The following LSAMP variants were observed in gnomAD, a reference collection of about 807,000 sequenced individuals.
The protein encoded by LSAMP is limbic system-associated membrane protein.
A neutral mutation model predicts 38.6 loss-of-function variants in LSAMP; 7 were observed. The ratio of observed to expected loss-of-function variants is 0.18; its 90% CI spans 0.10 to 0.34. LSAMP has a LOEUF of 0.34. Ranked by LOEUF, LSAMP falls within the 10% of genes least tolerant of loss-of-function variation. LSAMP has a pLI of 1.00. For synonymous variants in LSAMP, 154 were observed against 166.8 expected (o/e 0.92, Z 0.59); for missense variants, 313 against 420.0 (o/e 0.75, Z 2.23).
intron 3 of LSAMP, among the ~76,000 whole-genome samples, chr3:115,984,600 A>G (rs1202973266): frequency 6.6e-6 from 1 of 152,210 alleles, no homozygotes; most frequent in Non-Finnish European, 1.5e-5. Context: ...ACTAAAAATT[A>G]AACCGTATAC....
intron 2 of LSAMP, among the ~76,000 whole-genome samples, chr3:116,082,467 G>A (rs75964231): frequency 0.02 from 2,997 of 152,184 alleles, 47 homozygotes; most frequent in Non-Finnish European, 0.03. Flanking sequence ...TCTGGATGTG[G>A]TTCTCTGGAA....
intron 4 of LSAMP, among the ~76,000 whole-genome samples, chr3:115,843,524 A>T (rs978423206): frequency 6.6e-6 from 1 of 152,212 alleles, no homozygotes; most frequent in Non-Finnish European, 1.5e-5. Context: ...TTGCCAGAAA[A>T]TGGCAACTTG....
chr3:116,175,193 A>C (rs1441309302), intron 1 of LSAMP, among the ~76,000 whole-genome samples: 1 of 152,008 alleles, frequency 6.6e-6, no homozygotes, highest in Non-Finnish European at 1.5e-5. Context: ...TTTTTAGACT[A>C]TTCTCTGCAA....
intron 1 of LSAMP, among the ~76,000 whole-genome samples, chr3:116,357,121 C>T (rs2048236464): frequency 6.6e-6 from 1 of 152,094 alleles, no homozygotes; most frequent in South Asian, 2.1e-4. Context: ...GATGATAGAC[C>T]TAATCAACAC....
rs576919342 is a variant in LSAMP, at chr3:116,431,355, TGCCAC to T, written c.155+13517_155+13521del. ...TTTGCTCATTTAAAAAAAATCTATT[TGCCAC>T]GCTATACTTTGTTCCCAGGGAACAC... is the stretch of plus-strand genomic sequence containing the variant. On this transcript the variant is annotated intron_variant, in intron 1 of 6. Transcript: ENST00000490035. 1.8e-4 allele frequency among the ~76,000 whole-genome samples: 27 copies of T among 152,256 alleles called. 1 individual carries two copies. Among genetic ancestry groups the T allele is most frequent in the Admixed American group, 8.5e-4 (13 of 15,292 alleles).
intron 1 of LSAMP, among the ~76,000 whole-genome samples, chr3:116,324,085 G>A (rs1160023146): frequency 6.6e-6 from 1 of 152,176 alleles, no homozygotes; most frequent in African/African-American, 2.4e-5. Context: ...TGACATTTGG[G>A]TAAGTGCTTT....
intron 1 of LSAMP, among the ~76,000 whole-genome samples, chr3:116,128,491 T>G (rs568413764): frequency 6.6e-6 from 1 of 152,312 alleles, no homozygotes; most frequent in South Asian, 2.1e-4. Flanking sequence ...GTTAGCTGGG[T>G]TTGATCATGT....
intron 3 of LSAMP, among the ~76,000 whole-genome samples, chr3:115,991,773 C>T (rs1939676588): frequency 6.6e-6 from 1 of 151,738 alleles, no homozygotes; most frequent in Non-Finnish European, 1.5e-5. Flanking sequence ...CGTTTAAAGA[C>T]AGGCAGGCTG....
chr3:116,326,253 G>GA (rs1026044770), intron 1 of LSAMP, among the ~76,000 whole-genome samples: 32 of 151,098 alleles, frequency 2.1e-4, no homozygotes, highest in African/African-American at 5.1e-4. Flanking sequence ...CAGTAAAAAG[G>GA]AAAAAAAAGG....
At chr3:116,299,028 A>T (rs1576491692) in intron 1 of LSAMP, among the ~76,000 whole-genome samples, 1 of 152,346 alleles carries the variant, frequency 6.6e-6, no homozygotes, top group Non-Finnish European at 1.5e-5. Context: ...GGCCAGCAGA[A>T]ATGATAGAGT....
chr3:116,070,001 T>G (rs1707562243), intron 2 of LSAMP, among the ~76,000 whole-genome samples: 1 of 152,002 alleles, frequency 6.6e-6, no homozygotes, highest in East Asian at 1.9e-4. Context: ...CATATAGGAA[T>G]ATGAAGATCA....
At chr3:115,837,528 G>A (rs1309093475) in intron 6 of LSAMP, among the ~76,000 whole-genome samples, 1 of 152,070 alleles carries the variant, frequency 6.6e-6, no homozygotes, top group Non-Finnish European at 1.5e-5. Flanking sequence ...GCCAATCATC[G>A]AACTAACCTG....
intron 1 of LSAMP, among the ~76,000 whole-genome samples, chr3:116,404,851 G>T (rs2048881885): frequency 6.6e-6 from 1 of 151,900 alleles, no homozygotes; most frequent in South Asian, 2.1e-4. Context: ...CTTCTGTATA[G>T]ATATTCAAAC....
chr3:116,435,698 T>C (rs1275256719), intron 1 of LSAMP, among the ~76,000 whole-genome samples: 1 of 152,170 alleles, frequency 6.6e-6, no homozygotes, highest in Non-Finnish European at 1.5e-5. Context: ...GTAAATTTTG[T>C]ATCTATTGGG....
intron 3 of LSAMP, among the ~76,000 whole-genome samples, chr3:115,900,576 C>T (rs1180201222): frequency 6.6e-6 from 1 of 151,066 alleles, no homozygotes; most frequent in East Asian, 1.9e-4. Context: ...CAAACTCTGA[C>T]CCTAAGGCTA....
chr3:116,024,195 C>T (rs1227338183), intron 2 of LSAMP, among the ~76,000 whole-genome samples: 1 of 152,108 alleles, frequency 6.6e-6, no homozygotes, highest in Non-Finnish European at 1.5e-5. Context: ...CTTACCTGTG[C>T]CTTTCACTAA....
chr3:115,864,723 A>C (rs1463354686), intron 3 of LSAMP, among the ~76,000 whole-genome samples: 1 of 152,120 alleles, frequency 6.6e-6, no homozygotes, highest in Non-Finnish European at 1.5e-5. Flanking sequence ...CTCCCAGCCT[A>C]AACAGTGTGA....
intron 3 of LSAMP, among the ~76,000 whole-genome samples, chr3:115,935,950 T>G (rs543670428): frequency 3.5e-4 from 54 of 152,308 alleles, no homozygotes; most frequent in African/African-American, 1.2e-3. Context: ...CAGCTGTGAC[T>G]TTATGATCTG....
intron 1 of LSAMP, among the ~76,000 whole-genome samples, chr3:116,322,451 A>T (rs2047717808): frequency 6.6e-6 from 1 of 152,178 alleles, no homozygotes; most frequent in Admixed American, 6.5e-5. Flanking sequence ...AAGCATGGTT[A>T]TTCTTTTAAA....
Sources: allele counts gnomAD v4.1 joint callset (sites outside exome capture counted in the v4.1 genomes callset), GRCh38; gene constraint gnomAD v4.1.1; transcripts MANE v1.5; gene names NCBI Gene and HGNC (gene_info 2026-07-23, HGNC 2026-07-21).